Variants in FNBP1L observed in about 807,000 individuals in gnomAD.
The protein encoded by FNBP1L is formin-binding protein 1-like.
In FNBP1L, 36 loss-of-function variants were observed where a neutral mutation model predicts 91.2. That is an observed-to-expected ratio of 0.39 (90% CI 0.30 to 0.52). FNBP1L has a LOEUF of 0.52. Ranked by LOEUF, FNBP1L falls within the 20% of genes least tolerant of loss-of-function variation. The pLI is 0.66. For missense variants in FNBP1L, 571 were observed against 732.1 expected (o/e 0.78, Z 2.54); for synonymous variants, 242 against 237.0 (o/e 1.02, Z -0.19).
chr1:93,484,072 G>T (rs1410640953), intron 1 of FNBP1L, among the ~76,000 whole-genome samples: 1 of 152,200 alleles, frequency 6.6e-6, no homozygotes, highest in East Asian at 1.9e-4. Context: ...GGGACTACAG[G>T]CGTGCGCCAC....
At chr1:93,507,093 ACACACACACACACACTCTCTCTCTCT>A (rs1670650231) in intron 2 of FNBP1L, among the ~76,000 whole-genome samples, 23 of 124,074 alleles carry the variant, frequency 1.9e-4, no homozygotes, top group African/African-American at 5.8e-4. Flanking sequence ...ACACACACAC[ACACACACACACACACTCTCTCTCTCT>A]CTCTCTCTCT....
At chr1:93,451,895 C>T (rs766580889) in intron 1 of FNBP1L, among the ~76,000 whole-genome samples, 2 of 152,124 alleles carry the variant, frequency 1.3e-5, no homozygotes, top group Non-Finnish European at 2.9e-5. Context: ...TGTGATCCGC[C>T]CGCCTCGGCC....
intron 1 of FNBP1L, among the ~76,000 whole-genome samples, chr1:93,490,601 T>C (rs1670061526): frequency 6.6e-6 from 1 of 152,180 alleles, no homozygotes; most frequent in Non-Finnish European, 1.5e-5. Flanking sequence ...TAAGTCCAAC[T>C]AGCTGAAATT....
intron 14 of FNBP1L, 143 bp from the exon 15 acceptor site, chr1:93,549,135 A>T: frequency 1.7e-6 from 1 of 572,522 alleles, no homozygotes; most frequent in African/African-American, 1.9e-5. Flanking sequence ...TATACTTGAC[A>T]TTTGAAAAAA....
At chr1:93,488,227 G>A (rs911248484) in intron 1 of FNBP1L, 2 of 152,170 alleles carry the variant, frequency 1.3e-5, no homozygotes, top group Admixed American at 6.6e-5. Context: ...TATTGCAGTA[G>A]CCTCCTTAAA....
At chr1:93,532,834 A>C in intron 7 of FNBP1L, 88 bp from the exon 8 acceptor site, 1 of 986,748 alleles carries the variant, frequency 1.0e-6, no homozygotes, top group East Asian at 2.7e-5. Flanking sequence ...AGAAATATTT[A>C]ATTTTTGATG....
At chr1:93,514,499 A>G (rs1239626319) in intron 2 of FNBP1L, among the ~76,000 whole-genome samples, 3 of 152,024 alleles carry the variant, frequency 2.0e-5, no homozygotes, top group East Asian at 1.9e-4. Flanking sequence ...GAGGCATCAC[A>G]CTACCTGACT....
At chr1:93,488,744 A>T (rs11164940) in intron 1 of FNBP1L, among the ~76,000 whole-genome samples, 14,334 of 152,214 alleles carry the variant, frequency 0.094, 750 homozygotes, top group African/African-American at 0.13. Context: ...AACCATTTTA[A>T]CAACTGAACT....
At chr1:93,471,901 CATT>C (rs1295187504) in intron 1 of FNBP1L, among the ~76,000 whole-genome samples, 1 of 152,190 alleles carries the variant, frequency 6.6e-6, no homozygotes, top group South Asian at 2.1e-4. Context: ...CTAATAATAA[CATT>C]AATTTATGGG....
chr1:93,518,710 A>C (rs1671216333), intron 2 of FNBP1L, among the ~76,000 whole-genome samples: 1 of 152,230 alleles, frequency 6.6e-6, no homozygotes, highest in African/African-American at 2.4e-5. Context: ...AGCTTTATTG[A>C]GGTATAATTC....
At chr1:93,460,914 TATATC>T (rs1192336497) in intron 1 of FNBP1L, among the ~76,000 whole-genome samples, 2 of 152,232 alleles carry the variant, frequency 1.3e-5, no homozygotes. Context: ...AGAATAGTTT[TATATC>T]ATAAATATAT....
intron 11 of FNBP1L, among the ~76,000 whole-genome samples, chr1:93,541,574 G>T (rs1267755486): frequency 5.1e-5 from 7 of 136,292 alleles, no homozygotes; most frequent in African/African-American, 1.9e-4. Flanking sequence ...TATCCTGTGT[G>T]TGTTTGTGTG....
chr1:93,460,487 GTGAA>G (rs1668824706), intron 1 of FNBP1L, among the ~76,000 whole-genome samples: 1 of 152,208 alleles, frequency 6.6e-6, no homozygotes, highest in African/African-American at 2.4e-5. Flanking sequence ...ATGTCCATCA[GTGAA>G]TGAATGGATA....
intron 1 of FNBP1L, among the ~76,000 whole-genome samples, chr1:93,486,749 C>A (rs1669920648): frequency 1.3e-5 from 2 of 152,216 alleles, no homozygotes; most frequent in African/African-American, 4.8e-5. Flanking sequence ...TGCCCACTTA[C>A]TTTGCCTTCT....
At chr1:93,548,663 C>T (rs1176150831) in intron 14 of FNBP1L, among the ~76,000 whole-genome samples, 1 of 152,112 alleles carries the variant, frequency 6.6e-6, no homozygotes, top group African/African-American at 2.4e-5. Context: ...CACAGCTGTG[C>T]TTTCTACTGT....
At chr1:93,536,632 A>G (rs1671860101) in intron 10 of FNBP1L, 142 bp downstream of exon 10, 3 of 719,404 alleles carry the variant, frequency 4.2e-6, no homozygotes, top group Non-Finnish European at 6.1e-6. Flanking sequence ...AGCTGCCCTC[A>G]AGTTAAAAAC....
intron 7 of FNBP1L, 22 bp from the exon 8 acceptor site, chr1:93,532,900 T>TA (rs1419871156): frequency 1.9e-6 from 3 of 1,566,818 alleles, no homozygotes; most frequent in South Asian, 2.4e-5. Flanking sequence ...TTTCTCTTTT[T>TA]AAAAAAATTC....
intron 1 of FNBP1L, among the ~76,000 whole-genome samples, chr1:93,475,216 T>A (rs906748259): frequency 2.0e-5 from 3 of 152,062 alleles, no homozygotes; most frequent in Non-Finnish European, 1.5e-5. Context: ...AACTAAAGAT[T>A]CAAGCTTTAC....
intron 1 of FNBP1L, among the ~76,000 whole-genome samples, chr1:93,474,970 A>C (rs1570778963): frequency 2.6e-5 from 4 of 152,194 alleles, no homozygotes; most frequent in African/African-American, 9.6e-5. Context: ...TAACAGTAGC[A>C]CTGTGTCATG....
Sources: allele counts gnomAD v4.1 joint callset (sites outside exome capture counted in the v4.1 genomes callset), GRCh38; gene constraint gnomAD v4.1.1; transcripts MANE v1.5; gene names NCBI Gene and HGNC (gene_info 2026-07-23, HGNC 2026-07-21).